Variants in NPEPPS observed in about 807,000 individuals in gnomAD.
NPEPPS encodes puromycin-sensitive aminopeptidase.
NPEPPS carries 14 observed loss-of-function variants against 115.5 expected under a neutral mutation model. That is an observed-to-expected ratio of 0.12 (90% CI 0.08 to 0.19). The LOEUF is 0.19. Ranked by LOEUF, NPEPPS falls within the 10% of genes least tolerant of loss-of-function variation. NPEPPS has a pLI of 1.00. For synonymous variants in NPEPPS, 285 were observed against 390.6 expected, an observed-to-expected ratio of 0.73 and a Z score of 3.19; for missense variants, 523 against 1,110.8, an observed-to-expected ratio of 0.47 and a Z score of 7.52.
At chr17:47,572,232 T>C (rs1220841903) in intron 3 of NPEPPS, among the ~76,000 whole-genome samples, 1 of 152,112 alleles carries the variant, frequency 6.6e-6, no homozygotes, top group African/African-American at 2.4e-5. Flanking sequence ...CTAGGCAATG[T>C]AGTGAGACCC....
rs565273779 is a variant in NPEPPS, at chr17:47,573,751, A to G, written c.418+4257A>G. Among the ~76,000 whole-genome samples the G allele has an allele frequency of 1.4e-4, 21 of 152,322 alleles. No homozygotes were observed. The East Asian group carries it at 3.9e-3, about 28-fold the overall frequency. ...GAAAAGAAAAAATAGCTGTGTAAGCAAGACATTTAGAAGTCACAGAGTTTG... is the reference window on the plus strand; with the variant it reads ...GAAAAGAAAAAATAGCTGTGTAAGCGAGACATTTAGAAGTCACAGAGTTTG... On this transcript the variant is annotated intron_variant, in intron 3 of 22. Coordinates refer to ENST00000322157, the MANE Select transcript of NPEPPS (RefSeq NM_006310.4).
intron 1 of NPEPPS, among the ~76,000 whole-genome samples, chr17:47,525,102 T>C (rs945362239): frequency 3.9e-5 from 6 of 151,970 alleles, no homozygotes; most frequent in African/African-American, 1.5e-4. Flanking sequence ...TGTTCTAATT[T>C]CTGTTATTTC....
chr17:47,549,528 C>T (rs1249839316), intron 2 of NPEPPS, among the ~76,000 whole-genome samples: 2 of 152,032 alleles, frequency 1.3e-5, no homozygotes, highest in East Asian at 3.9e-4. Context: ...ACCTGTAATC[C>T]CAGCATTTTG....
intron 1 of NPEPPS, among the ~76,000 whole-genome samples, chr17:47,538,521 G>GTTTTCTTTT (rs1908502551): frequency 7.8e-6 from 1 of 127,614 alleles, no homozygotes; most frequent in Non-Finnish European, 1.6e-5. Context: ...GTCCATATCT[G>GTTTTCTTTT]TTTTCTTTTT....
intron 13 of NPEPPS, among the ~76,000 whole-genome samples, chr17:47,598,896 C>A (rs1026469724): frequency 6.6e-6 from 1 of 152,136 alleles, no homozygotes; most frequent in African/African-American, 2.4e-5. Flanking sequence ...AACTTATAAT[C>A]CTAGCACTTT....
chr17:47,599,558 T>G, intron 13 of NPEPPS, 118 bp from the exon 14 acceptor site: 1 of 735,110 alleles, frequency 1.4e-6, no homozygotes, highest in Non-Finnish European at 2.3e-6. Context: ...TCATGAGACA[T>G]TTGGTTGTGC....
At chr17:47,577,581 G>GA (rs1325182396) in intron 3 of NPEPPS, among the ~76,000 whole-genome samples, 2 of 151,908 alleles carry the variant, frequency 1.3e-5, no homozygotes, top group African/African-American at 4.8e-5. Flanking sequence ...TCTCTTTAAA[G>GA]AAAAAAGTAT....
chr17:47,613,070 T>C (rs1913975834), intron 18 of NPEPPS, among the ~76,000 whole-genome samples: 3 of 152,206 alleles, frequency 2.0e-5, no homozygotes, highest in African/African-American at 7.2e-5. Context: ...AAGTGGTTTA[T>C]AGTCCTCTTC....
chr17:47,539,100 C>CT (rs551077364), intron 1 of NPEPPS, among the ~76,000 whole-genome samples: 10,557 of 135,336 alleles, frequency 0.078, 375 homozygotes, highest in Middle Eastern at 0.18. Context: ...TCATCTAGGC[C>CT]TTTTTTTTTT....
intron 1 of NPEPPS, among the ~76,000 whole-genome samples, chr17:47,524,577 C>T (rs965703564): frequency 6.6e-5 from 10 of 151,894 alleles, no homozygotes; most frequent in African/African-American, 2.4e-4. Flanking sequence ...TCACTGCAAG[C>T]TCTGCCTCCC....
intron 1 of NPEPPS, among the ~76,000 whole-genome samples, chr17:47,532,092 G>A (rs1377982637): frequency 6.6e-6 from 1 of 152,100 alleles, no homozygotes; most frequent in Non-Finnish European, 1.5e-5. Flanking sequence ...TAGAAGGGGG[G>A]GGAGAGGGTG....
chr17:47,605,324 C>T lies in NPEPPS; in HGVS notation c.1876-9C>T, dbSNP rs114876520. 7.5e-5 allele frequency: 118 copies of T among 1,571,360 alleles called. No homozygotes were observed. In the African/African-American group the frequency reaches 1.5e-3, roughly 20 times the overall value. Reference sequence around the variant, plus strand: ...AGACTAGGTTAATTTATGTTTTTTCCTATCCCAGGCTCGAGCTGGAATCAT... The same window carrying T: ...AGACTAGGTTAATTTATGTTTTTTCTTATCCCAGGCTCGAGCTGGAATCAT... On this transcript the variant is annotated splice_polypyrimidine_tract_variant and intron_variant, in intron 16 of 22. Transcript: ENST00000322157.
At chr17:47,600,232 G>A (rs1567865528) in intron 14 of NPEPPS, among the ~76,000 whole-genome samples, 1 of 152,100 alleles carries the variant, frequency 6.6e-6, no homozygotes, top group African/African-American at 2.4e-5. Context: ...CCAGGGGTTC[G>A]AGACCAGCCT....
In NPEPPS at chr17:47,618,334, A is replaced by T. The variant is rs1264956679; in HGVS notation, c.2296-16A>T. 6.4e-7 allele frequency: 1 copy of T among 1,558,720 alleles called. No homozygotes were observed. On this transcript the variant is annotated splice_polypyrimidine_tract_variant and intron_variant, in intron 19 of 22. Transcript: ENST00000322157. Reference sequence around the variant, plus strand: ...GGGAGAGTTAACTATTCCTATCTTTATCTTTTTTCCTGTAGCTTCATAAAC... The same window carrying T: ...GGGAGAGTTAACTATTCCTATCTTTTTCTTTTTTCCTGTAGCTTCATAAAC...
chr17:47,604,099 TTC>T, intron 16 of NPEPPS, 50 bp downstream of exon 16: 2 of 1,564,680 alleles, frequency 1.3e-6, no homozygotes, highest in Non-Finnish European at 1.7e-6. Flanking sequence ...GATTAAAAGA[TTC>T]TGTTTTTCCT....
intron 9 of NPEPPS, among the ~76,000 whole-genome samples, chr17:47,588,756 T>G (rs1410523360): frequency 6.6e-6 from 1 of 152,154 alleles, no homozygotes; most frequent in East Asian, 1.9e-4. Flanking sequence ...AGGGGAAATG[T>G]GTACATTCTT....
At chr17:47,616,683 CAAA>C (rs751616382) in intron 19 of NPEPPS, among the ~76,000 whole-genome samples, 1 of 95,650 alleles carries the variant, frequency 1.0e-5, no homozygotes, top group African/African-American at 4.0e-5. Flanking sequence ...GACTCCGTCT[CAAA>C]AAAAAAAAAA....
intron 2 of NPEPPS, among the ~76,000 whole-genome samples, chr17:47,556,228 T>G (rs1360186582): frequency 1.3e-5 from 2 of 151,646 alleles, no homozygotes; most frequent in Non-Finnish European, 2.9e-5. Flanking sequence ...CTGCGGCCTT[T>G]TTTTTTTGCA....
intron 18 of NPEPPS, among the ~76,000 whole-genome samples, chr17:47,612,936 T>A (rs1913969667): frequency 6.6e-6 from 1 of 152,228 alleles, no homozygotes; most frequent in Non-Finnish European, 1.5e-5. Flanking sequence ...GCGCTGGGAT[T>A]ACAGGTGTGA....
Sources: gnomAD v4.1 joint callset for allele counts (sites outside exome capture counted in the v4.1 genomes callset) on GRCh38, gnomAD v4.1.1 for gene constraint, MANE v1.5 for transcripts, NCBI Gene and HGNC (gene_info 2026-07-23, HGNC 2026-07-21) for gene names.